TENM1: variants seen among roughly 807,000 people sequenced by gnomAD.
TENM1 encodes teneurin transmembrane protein 1, also known as teneurin-1.
TENM1 carries 35 observed loss-of-function variants against 174.8 expected under a neutral mutation model. That is an observed-to-expected ratio of 0.20 (90% CI 0.15 to 0.27). The LOEUF (loss-of-function observed/expected upper bound fraction) is 0.27, where lower values mean the gene tolerates loss of function less well. Among genes scored for constraint, TENM1 ranks in the 10% least tolerant of loss-of-function variants. The pLI, the probability that TENM1 is intolerant of heterozygous loss-of-function variation, is 1.00. For missense variants in TENM1, 1,633 were observed against 2,130.1 expected (o/e 0.77, Z 4.59); for synonymous variants, 781 against 798.7 (o/e 0.98, Z 0.37).
intron 20 of TENM1, among the ~76,000 whole-genome samples, chrX:124,496,607 T>C (rs184740514): frequency 3.6e-5 from 4 of 111,777 alleles, no homozygotes; most frequent in Admixed American, 2.9e-4. Flanking sequence ...TTTCCAAAGA[T>C]TGGAAATAAA....
chrX:124,513,219 C>T (rs188954555), intron 18 of TENM1, among the ~76,000 whole-genome samples: 2,184 of 111,619 alleles, frequency 0.02, 44 homozygotes, highest in African/African-American at 0.059. Flanking sequence ...TTTGCCTTTT[C>T]CAGCTTCTAG....
chrX:125,145,567 A>G, the TENM1 span, among the ~76,000 whole-genome samples: 1 of 112,771 alleles, frequency 8.9e-6, no homozygotes, highest in Non-Finnish European at 1.9e-5. Context: ...TGCAACATTA[A>G]TATTAATAAA....
the TENM1 span, among the ~76,000 whole-genome samples, chrX:125,019,822 C>A: frequency 9.0e-6 from 1 of 110,872 alleles, no homozygotes; most frequent in Non-Finnish European, 1.9e-5. Flanking sequence ...GTGAAAATAT[C>A]TCTTAACTTC....
chrX:124,747,203 C>CA (rs1428899209), intron 3 of TENM1, among the ~76,000 whole-genome samples: 1 of 106,512 alleles, frequency 9.4e-6, no homozygotes, highest in East Asian at 3.0e-4. Context: ...AATAAAAACG[C>CA]AAATTAGTGG....
chrX:124,796,516 C>T (rs181413147), intron 3 of TENM1, among the ~76,000 whole-genome samples: 11 of 111,454 alleles, frequency 9.9e-5, no homozygotes, highest in African/African-American at 3.2e-4. Context: ...TTTATAAAAT[C>T]GGGACTTCTC....
chrX:124,486,013 A>T (rs753027073), intron 21 of TENM1, among the ~76,000 whole-genome samples: 23 of 112,044 alleles, frequency 2.1e-4, no homozygotes, highest in African/African-American at 7.4e-4. Context: ...CTTGATAGCC[A>T]GCAGTCAGGA....
At chrX:124,968,995 G>C in the TENM1 span, among the ~76,000 whole-genome samples, 92 of 112,155 alleles carry the variant, frequency 8.2e-4, no homozygotes, top group African/African-American at 2.8e-3. Context: ...GTAAAGGATA[G>C]GTTCCCATGT....
At chrX:124,571,863 A>C (rs2049060278) in intron 11 of TENM1, among the ~76,000 whole-genome samples, 1 of 111,740 alleles carries the variant, frequency 8.9e-6, no homozygotes, top group Non-Finnish European at 1.9e-5. Flanking sequence ...TATACCAGAG[A>C]ACAGGAAAAA....
At chrX:124,619,155 A>C (rs1409500832) in intron 11 of TENM1, among the ~76,000 whole-genome samples, 1 of 112,486 alleles carries the variant, frequency 8.9e-6, no homozygotes, top group Non-Finnish European at 1.9e-5. Context: ...TACAATTCAT[A>C]TTGTAAAACT....
the TENM1 span, among the ~76,000 whole-genome samples, chrX:125,060,187 A>T: frequency 0.038 from 3,177 of 83,449 alleles, 49 homozygotes; most frequent in Middle Eastern, 0.11. Flanking sequence ...TCTCTCACAC[A>T]CACACACACA....
the TENM1 span, among the ~76,000 whole-genome samples, chrX:125,062,436 T>C: frequency 8.9e-6 from 1 of 111,780 alleles, no homozygotes; most frequent in Non-Finnish European, 1.9e-5. Flanking sequence ...CAAAACCTAA[T>C]ACAACTCATA....
the TENM1 span, among the ~76,000 whole-genome samples, chrX:125,121,324 G>C: frequency 1.2e-4 from 13 of 111,312 alleles, no homozygotes; most frequent in African/African-American, 4.2e-4. Context: ...ATAAAACTAG[G>C]GGCCACATGT....
the TENM1 span, among the ~76,000 whole-genome samples, chrX:124,983,587 G>A: frequency 1.8e-5 from 2 of 111,155 alleles, no homozygotes; most frequent in African/African-American, 6.5e-5. Flanking sequence ...TTGACAAAAG[G>A]ATAGTGTATG....
intron 23 of TENM1, among the ~76,000 whole-genome samples, chrX:124,424,267 G>A (rs771434057): frequency 9.0e-6 from 1 of 111,684 alleles, no homozygotes; most frequent in East Asian, 2.8e-4. Flanking sequence ...TTCATATGCT[G>A]ATGGCATTTG....
intron 1 of TENM1, among the ~76,000 whole-genome samples, chrX:124,917,686 T>C (rs1175772128): frequency 8.9e-6 from 1 of 112,090 alleles, no homozygotes; most frequent in Non-Finnish European, 1.9e-5. Context: ...GCCTTGTTTA[T>C]GTGCTTGCTC....
chrX:124,561,879 T>C (rs189764436), intron 13 of TENM1, 62 bp from the exon 17 acceptor site: 44 of 1,097,093 alleles, frequency 4.0e-5, no homozygotes, highest in African/African-American at 1.1e-4. Context: ...CCAACAATGA[T>C]GTATTTGCCT....
intron 3 of TENM1, among the ~76,000 whole-genome samples, chrX:124,741,012 T>G (rs1166348292): frequency 1.8e-5 from 2 of 111,663 alleles, no homozygotes; most frequent in East Asian, 5.6e-4. Context: ...AGTTTTCAAA[T>G]GGAAAGGTCT....
At position 124,868,755 on chromosome X, in the gene TENM1, A is replaced by T. The variant is rs771550972; in HGVS notation, c.535+25541T>A. Among the ~76,000 whole-genome samples the T allele has an allele frequency of 4.5e-5, 5 of 111,614 alleles. No individual in the cohort carries two copies. The East Asian group carries it at 1.4e-3, about 32-fold the overall frequency. On this transcript the variant is annotated intron_variant, in intron 3 of 31. Transcript: ENST00000422452. ...ATCTCCCACAGGATTAATAACCAGA[A>T]TATATAAGAAGCTCAAACAACTCTA...
intron 3 of TENM1, among the ~76,000 whole-genome samples, chrX:124,852,494 TA>T: frequency 9.0e-6 from 1 of 110,865 alleles, no homozygotes; most frequent in Non-Finnish European, 1.9e-5. Context: ...AAGCCTAGAA[TA>T]AATAAAAAAA....
Sources: gnomAD v4.1 joint callset for allele counts (sites outside exome capture counted in the v4.1 genomes callset) on GRCh38, gnomAD v4.1.1 for gene constraint, MANE v1.5 for transcripts, NCBI Gene and HGNC (gene_info 2026-07-23, HGNC 2026-07-21) for gene names.